Variants in ADGRG4 observed in about 807,000 individuals in gnomAD.
ADGRG4 encodes G protein-coupled receptor 112.
Under a neutral mutation model 126.2 loss-of-function variants are expected in ADGRG4, and 122 were observed. That is an observed-to-expected ratio of 0.97 (90% CI 0.83 to 1.12). The LOEUF (loss-of-function observed/expected upper bound fraction) is 1.12. Ranked by LOEUF, ADGRG4 falls within the 50% of genes most tolerant of loss-of-function variation. The pLI, the probability that ADGRG4 is intolerant of heterozygous loss-of-function variation, is 0.00. For synonymous variants in ADGRG4, 943 were observed against 838.7 expected, an observed-to-expected ratio of 1.12 and a Z score of -2.15; for missense variants, 2,481 against 2,251.8, an observed-to-expected ratio of 1.10 and a Z score of -2.06.
chrX:136,319,427 G>A (rs2074824815), intron 4 of ADGRG4, among the ~76,000 whole-genome samples: 1 of 112,117 alleles, frequency 8.9e-6, no homozygotes, highest in Non-Finnish European at 1.9e-5. Flanking sequence ...GGCCCTATGA[G>A]GTAGGCAGTT....
rs753439398 is a variant in ADGRG4 at position 136,344,381 on chromosome X, G to A, written c.686-11G>A. The A allele has an allele frequency of 1.8e-6, 2 of 1,109,708 alleles. No individual in the cohort carries two copies. The allele number at this position is 1,109,708 out of a possible 1,213,427, so 91.5% of individuals were successfully genotyped here. The stretch of plus-strand genomic sequence containing the variant: ...GAATCCAAAATAACACATTCTTTCT[G>A]ATTTTTTTAGTTGTTCCTGAAAATA... On this transcript the variant is annotated splice_polypyrimidine_tract_variant and intron_variant, in intron 5 of 25. Transcript: ENST00000394143.
At position 136,397,491 on chromosome X, in the gene ADGRG4, CTTT is replaced by C. The variant is rs1184936316; in HGVS notation, c.8185-368_8185-366del. Among the ~76,000 whole-genome samples the C allele has an allele frequency of 5.4e-3, 274 of 50,536 alleles. 1 individual carries two copies. Among genetic ancestry groups the C allele is most frequent in the African/African-American group, 0.016 (215 of 13,551 alleles). The allele number at this position is 50,536 out of a possible 115,157, so 43.9% of individuals were successfully genotyped here. A position where few individuals can be genotyped will look rare whatever the true frequency, so the allele number is the denominator to read the frequency against. On this transcript the variant is annotated intron_variant, in intron 19 of 25. Transcript: ENST00000394143. ...GCTATTTAAGGACTAAGGAAAAGGA[CTTT>C]TTTTTTTTTTTTTTTTTTTTTGCTG...
At chrX:136,388,952 G>A (rs1344454858) in intron 16 of ADGRG4, among the ~76,000 whole-genome samples, 1 of 111,873 alleles carries the variant, frequency 8.9e-6, no homozygotes, top group African/African-American at 3.2e-5. Flanking sequence ...TTCTAAAGAG[G>A]TTATCCAAAG....
chrX:136,385,324 T>C (rs1276102077), intron 15 of ADGRG4, among the ~76,000 whole-genome samples: 1 of 111,821 alleles, frequency 8.9e-6, no homozygotes, highest in Non-Finnish European at 1.9e-5. Context: ...CATGGATATG[T>C]TAATTTGCTT....
At chrX:136,360,663 G>A (rs1021526162) in intron 11 of ADGRG4, among the ~76,000 whole-genome samples, 2 of 111,487 alleles carry the variant, frequency 1.8e-5, no homozygotes, top group Non-Finnish European at 3.8e-5. Flanking sequence ...GATCACTTGA[G>A]GCCAGGAGGT....
At chrX:136,320,753 T>C (rs1280597157) in intron 4 of ADGRG4, among the ~76,000 whole-genome samples, 1 of 110,046 alleles carries the variant, frequency 9.1e-6, no homozygotes, top group Non-Finnish European at 1.9e-5. Context: ...ATATCATCTC[T>C]AAAAAGAATT....
At chrX:136,308,530 A>G (rs1170789266) in intron 3 of ADGRG4, among the ~76,000 whole-genome samples, 1 of 112,185 alleles carries the variant, frequency 8.9e-6, no homozygotes, top group Non-Finnish European at 1.9e-5. Context: ...CACAGTGTCC[A>G]GCACATAGAA....
chrX:136,356,616 A>G (rs1451423597), intron 9 of ADGRG4, among the ~76,000 whole-genome samples: 1 of 112,087 alleles, frequency 8.9e-6, no homozygotes, highest in Admixed American at 9.5e-5. Context: ...GCTTTACAAT[A>G]GCACACTCTA....
rs142679527 is a variant in ADGRG4 at position 136,374,734 on chromosome X, G to A, written c.7776+1670G>A. Among the ~76,000 whole-genome samples, 592 of 111,853 alleles carry A rather than the reference G, an allele frequency of 5.3e-3. 5 individuals carry two copies. The highest frequency in any genetic ancestry group is 0.018 in the African/African-American group (549 of 30,779). On this transcript the variant is annotated intron_variant, in intron 15 of 25. Transcript: ENST00000394143. ...TGTGAGCTACCTCACCCGGCCTGTAGGTATATGTTTAAATGTATTAGAAAC... is the reference window on the plus strand; with the variant it reads ...TGTGAGCTACCTCACCCGGCCTGTAAGTATATGTTTAAATGTATTAGAAAC...
intron 5 of ADGRG4, among the ~76,000 whole-genome samples, chrX:136,328,094 C>A (rs2074885446): frequency 9.0e-6 from 1 of 110,745 alleles, no homozygotes. Flanking sequence ...TTATATGCAT[C>A]CTTTTCTGCA....
rs746554720 is a variant in ADGRG4, at chrX:136,323,341, G to A, written c.634G>A (p.Val212Ile). 20 of 1,209,551 alleles carry A rather than the reference G, an allele frequency of 1.7e-5. No individual in the cohort carries two copies. The highest frequency in any genetic ancestry group is 2.2e-5 in the Non-Finnish European group (20 of 894,220). Residue 212 changes from valine to isoleucine, a missense_variant, in exon 5 of 26, where the codon GTC (valine) becomes ATC (isoleucine). Coordinates refer to ENST00000394143, the MANE Select transcript of ADGRG4 (RefSeq NM_153834.4). ...AAATATAGTTAGTTGGGAAGAAGAC[G>A]TCTGGCTTGTCAACAAGATCATCCC... The part of the protein sequence containing the change: ...DGNIVSWEED[V>I]WLVNKIIPTV...
Position 136,346,813 on chromosome X carries a change from C to T in ADGRG4, c.3107C>T (p.Pro1036Leu). 1 of 1,211,437 alleles carries T rather than the reference C, an allele frequency of 8.3e-7. No homozygotes were observed. The highest frequency in any genetic ancestry group is 1.1e-6 in the Non-Finnish European group (1 of 895,210). ...AEETEVTMSE[P>L]STLARAFSTS... ...GAGACTGAGGTTACCATGTCTGAGC[C>T]TTCTACACTGGCCAGGGCTTTTTCT... is the stretch of plus-strand genomic sequence containing the variant. Residue 1036 changes from proline to leucine, a missense_variant, in exon 6 of 26, where the codon CCT becomes CTT. Physicochemically the swap from Pro to Leu is moderately conservative, Grantham distance 98. Transcript: ENST00000394143.
Position 136,346,592 on chromosome X carries a change from C to T in ADGRG4, c.2886C>T (p.Phe962=), listed in dbSNP as rs1441337469. ...GSPTSGSTHI[F]GEPLGASTTR... Reference sequence around the variant, plus strand: ...CCACTTCTGGGAGCACACATATATTCGGTGAACCCCTGGGTGCTTCTACCA... The same window carrying T: ...CCACTTCTGGGAGCACACATATATTTGGTGAACCCCTGGGTGCTTCTACCA... The change falls in exon 6 of 26, where the codon TTC becomes TTT. Residue 962 remains phenylalanine (F), a synonymous_variant. Transcript: ENST00000394143. 2.1e-5 allele frequency: 26 copies of T among 1,209,831 alleles called. No homozygotes were observed. In the East Asian group the frequency reaches 5.3e-4, roughly 25 times the overall value.
At chrX:136,341,095 A>G (rs1436650184) in intron 5 of ADGRG4, among the ~76,000 whole-genome samples, 1 of 111,604 alleles carries the variant, frequency 9.0e-6, no homozygotes. Context: ...TTATCTTTCT[A>G]AATCTTATAT....
At chrX:136,361,685 C>T (rs2075130140) in intron 12 of ADGRG4, 98 bp downstream of exon 12, 1 of 566,861 alleles carries the variant, frequency 1.8e-6, no homozygotes, top group South Asian at 6.5e-5. Flanking sequence ...ATGCTCCCTT[C>T]CTCCACCTCT....
rs1422732969 is a variant in ADGRG4, at chrX:136,397,920, A to G, written c.8224A>G (p.Ile2742Val). Residue 2742 changes from isoleucine to valine, a missense_variant, in exon 20 of 26, where the codon ATA becomes GTA. Transcript: ENST00000394143. ...TACAGTGGATTCAGTGAATGAACAG[A>G]TATTAGCGCTTATAACATACACCGG... ...RSTVDSVNEQ[I>V]LALITYTGCG... The G allele has an allele frequency of 4.2e-6, 5 of 1,196,369 alleles. No individual in the cohort carries two copies. Among genetic ancestry groups the G allele is most frequent in the Non-Finnish European group, 5.7e-6 (5 of 882,738 alleles).
At chrX:136,394,756 C>T (rs1444190605) in intron 18 of ADGRG4, among the ~76,000 whole-genome samples, 7 of 112,159 alleles carry the variant, frequency 6.2e-5, no homozygotes, top group Non-Finnish European at 1.1e-4. Flanking sequence ...GCTGCCTGCC[C>T]GGGGATAACC....
intron 18 of ADGRG4, among the ~76,000 whole-genome samples, chrX:136,395,182 G>A (rs1006276396): frequency 9.0e-6 from 1 of 111,420 alleles, no homozygotes; most frequent in African/African-American, 3.3e-5. Context: ...AGGGAGAGCC[G>A]AAGAAGTTGT....
chrX:136,317,254 A>C (rs1031083583), intron 4 of ADGRG4, among the ~76,000 whole-genome samples: 7 of 110,645 alleles, frequency 6.3e-5, no homozygotes, highest in African/African-American at 2.3e-4. Flanking sequence ...TAATCCCAGC[A>C]CTTTGGGAGG....
Sources: gnomAD v4.1 joint callset for allele counts (sites outside exome capture counted in the v4.1 genomes callset) on GRCh38, gnomAD v4.1.1 for gene constraint, MANE v1.5 for transcripts, NCBI Gene and HGNC (gene_info 2026-07-23, HGNC 2026-07-21) for gene names.